The following TRPM8 variants were observed in gnomAD, a reference collection of about 807,000 sequenced individuals.
TRPM8 encodes transient receptor potential cation channel subfamily M member 8.
A neutral mutation model predicts 133.7 loss-of-function variants in TRPM8; 110 were observed. The ratio of observed to expected loss-of-function variants is 0.82; its 90% CI spans 0.70 to 0.96. TRPM8 has a LOEUF of 0.96. Among genes scored for constraint, TRPM8 ranks in the 40% least tolerant of loss-of-function variants. TRPM8 has a pLI of 0.00. For synonymous variants in TRPM8, 535 were observed against 532.3 expected (o/e 1.01, Z -0.07); for missense variants, 1,291 against 1,379.5 (o/e 0.94, Z 1.02).
intron 24 of TRPM8, among the ~76,000 whole-genome samples, chr2:234,012,440 C>T (rs999754070): frequency 6.6e-6 from 1 of 151,460 alleles, no homozygotes; most frequent in African/African-American, 2.4e-5. Flanking sequence ...GCCACCACGC[C>T]CAGCAGTCCT....
intron 21 of TRPM8, 64 bp from the exon 22 acceptor site, chr2:233,996,262 C>G: frequency 6.9e-7 from 1 of 1,454,388 alleles, no homozygotes. Context: ...TATTACCATA[C>G]TAGGCAGTTT....
chr2:233,919,309 G>A lies in TRPM8; in HGVS notation c.-6+1877G>A, dbSNP rs185534249. Among the ~76,000 whole-genome samples the A allele has an allele frequency of 1.3e-3, 193 of 152,178 alleles. 1 individual carries two copies. The highest frequency in any genetic ancestry group is 4.4e-3 in the African/African-American group (184 of 41,514). On this transcript the variant is annotated intron_variant, in intron 1 of 25. Transcript: ENST00000324695. ...CATTGATAATAAAAATAGTACCACG[G>A]CCAACCTCTCCCCTCAGCAAACAAC...
intron 15 of TRPM8, among the ~76,000 whole-genome samples, chr2:233,968,602 C>T (rs776486614): frequency 2.0e-5 from 3 of 152,206 alleles, no homozygotes; most frequent in Non-Finnish European, 4.4e-5. Context: ...CCTCCAAGGG[C>T]AGGGCAGGTG....
chr2:233,960,667 A>T, intron 11 of TRPM8, 109 bp from the exon 12 acceptor site: 1 of 824,000 alleles, frequency 1.2e-6, no homozygotes, highest in South Asian at 1.7e-5. Flanking sequence ...TGAAGATATT[A>T]TTACTCTGTG....
intron 3 of TRPM8, among the ~76,000 whole-genome samples, chr2:233,935,333 C>A (rs953094026): frequency 6.6e-6 from 1 of 152,188 alleles, no homozygotes; most frequent in Non-Finnish European, 1.5e-5. Flanking sequence ...CTGTGCACTG[C>A]ACAAGGATGC....
At chr2:233,998,827 C>T (rs527486353) in intron 22 of TRPM8, among the ~76,000 whole-genome samples, 1 of 152,176 alleles carries the variant, frequency 6.6e-6, no homozygotes, top group African/African-American at 2.4e-5. Flanking sequence ...AGCTTGTGCC[C>T]ATTTGCCCAG....
At chr2:233,996,294 C>T in intron 21 of TRPM8, 32 bp from the exon 22 acceptor site, 1 of 1,607,192 alleles carries the variant, frequency 6.2e-7, no homozygotes, top group Non-Finnish European at 8.5e-7. Context: ...ATGCGCAATG[C>T]TAAGTCTTGG....
chr2:233,932,239 G>T (rs1423739447), intron 3 of TRPM8, among the ~76,000 whole-genome samples: 2 of 152,218 alleles, frequency 1.3e-5, no homozygotes, highest in African/African-American at 2.4e-5. Flanking sequence ...TCCACCTGTT[G>T]TTCCTGCCCT....
Position 233,927,934 on chromosome 2 carries a change from C to T in TRPM8, c.117+1280C>T, listed in dbSNP as rs796162211. Among the ~76,000 whole-genome samples the T allele has an allele frequency of 7.8e-3, 430 of 55,270 alleles. 54 individuals carry two copies. Among genetic ancestry groups the T allele is most frequent in the East Asian group, 0.05 (90 of 1,806 alleles). 36.3% of individuals were successfully genotyped at this position (55,270 alleles called of 152,430 possible). ...TCTCTCTCTCTCTCTTTCTCTCTCT[C>T]TCTCTCTCTCTCTCTCTCTCTCTCT... On this transcript the variant is annotated intron_variant, in intron 2 of 25. Coordinates refer to ENST00000324695, the MANE Select transcript of TRPM8 (RefSeq NM_024080.5).
At chr2:233,982,714 A>G (rs1181999274) in intron 19 of TRPM8, among the ~76,000 whole-genome samples, 1 of 152,220 alleles carries the variant, frequency 6.6e-6, no homozygotes, top group Non-Finnish European at 1.5e-5. Flanking sequence ...AGTGTATCAA[A>G]ATCATGAGGT....
At position 234,017,926 on chromosome 2, in the gene TRPM8, C is replaced by G. The variant is rs199866880; in HGVS notation, c.*670C>G. 1 of 152,152 alleles carries G rather than the reference C, an allele frequency of 6.6e-6. No individual in the cohort carries two copies. The highest frequency in any genetic ancestry group is 1.5e-5 in the Non-Finnish European group (1 of 68,042). The allele number at this position is 152,152 out of a possible 1,614,324, so 9.4% of individuals were successfully genotyped here. A position where few individuals can be genotyped will look rare whatever the true frequency, so the allele number is the denominator to read the frequency against. On this transcript the variant is annotated 3_prime_UTR_variant, in exon 26 of 26. Coordinates refer to ENST00000324695, the MANE Select transcript of TRPM8 (RefSeq NM_024080.5). ...CCCCATTCCTAAATATGTGAAAAGT[C>G]GCCCAAAATGCAACCTTGAAAGGCA...
chr2:233,926,095 GC>G (rs1323261407), intron 1 of TRPM8, among the ~76,000 whole-genome samples: 2 of 152,114 alleles, frequency 1.3e-5, no homozygotes, highest in African/African-American at 4.8e-5. Flanking sequence ...AAGTCCTCTG[GC>G]CAATGCAGGC....
At position 233,942,695 on chromosome 2, in the gene TRPM8, G is replaced by A; in HGVS notation, c.646G>A (p.Ala216Thr). Reference sequence around the variant, plus strand: ...GAATATTGTGGCCATTGGCATAGCAGCTTGGGGCATGGTCTCCAACCGGGA... The same window carrying A: ...GAATATTGTGGCCATTGGCATAGCAACTTGGGGCATGGTCTCCAACCGGGA... ...EENIVAIGIA[A>T]WGMVSNRDTL... The change falls in exon 6 of 26, where the codon GCT becomes ACT. Residue 216 changes from alanine to threonine, a missense_variant. Around this residue, in one of 2 missense-constraint regions of TRPM8, gnomAD observed 963 missense variants for 968.9 expected, o/e 0.99. Transcript: ENST00000324695. The A allele has an allele frequency of 1.2e-6, 2 of 1,614,190 alleles. No individual in the cohort carries two copies. Among genetic ancestry groups the A allele is most frequent in the Non-Finnish European group, 1.7e-6 (2 of 1,180,032 alleles).
intron 24 of TRPM8, 58 bp from the exon 25 acceptor site, chr2:234,014,503 TA>T: frequency 8.9e-7 from 1 of 1,121,436 alleles, no homozygotes; most frequent in African/African-American, 1.6e-5. Flanking sequence ...AGCGATAATT[TA>T]AAAATGAAAG....
rs2125115330 is a variant in TRPM8, at chr2:233,946,044, A to C, written c.874+14A>C. On this transcript the variant is annotated intron_variant, in intron 7 of 25. Transcript: ENST00000324695. Reference sequence around the variant, plus strand: ...GCACTATTCAAGGTCAGTGGTTAGGAGGTAGGACACTAGAAGTGTACAATA... The same window carrying C: ...GCACTATTCAAGGTCAGTGGTTAGGCGGTAGGACACTAGAAGTGTACAATA... The C allele has an allele frequency of 6.2e-7, 1 of 1,612,694 alleles. No homozygotes were observed. The highest frequency in any genetic ancestry group is 8.5e-7 in the Non-Finnish European group (1 of 1,179,000).
At chr2:234,005,617 T>C (rs1033293875) in intron 22 of TRPM8, among the ~76,000 whole-genome samples, 2 of 152,184 alleles carry the variant, frequency 1.3e-5, no homozygotes, top group Non-Finnish European at 2.9e-5. Context: ...ATGTGGAATT[T>C]GCTTAAATCG....
chr2:233,969,383 A>G (rs1691650976), intron 15 of TRPM8, among the ~76,000 whole-genome samples: 1 of 151,840 alleles, frequency 6.6e-6, no homozygotes, highest in African/African-American at 2.4e-5. Flanking sequence ...GCTACTCGGG[A>G]GGCTGAGGCA....
intron 2 of TRPM8, among the ~76,000 whole-genome samples, chr2:233,927,533 C>T (rs1216453878): frequency 2.6e-5 from 4 of 152,122 alleles, no homozygotes; most frequent in South Asian, 2.1e-4. Flanking sequence ...TCCCCAGTCA[C>T]ACCTCAGTCC....
intron 17 of TRPM8, among the ~76,000 whole-genome samples, chr2:233,977,533 G>A (rs374005553): frequency 2.0e-5 from 3 of 152,186 alleles, no homozygotes; most frequent in African/African-American, 7.2e-5. Context: ...GGCATTAAGC[G>A]GGGAGCTAGC....
Sources: gnomAD v4.1 joint callset for allele counts (sites outside exome capture counted in the v4.1 genomes callset) on GRCh38, gnomAD v4.1.1 for gene constraint, gnomAD v4.1.1 regional missense constraint, MANE v1.5 for transcripts, NCBI Gene and HGNC (gene_info 2026-07-23, HGNC 2026-07-21) for gene names.